The following SEM1 variants were observed in gnomAD, a reference collection of about 807,000 sequenced individuals.
The protein encoded by SEM1 is SEM1 26S proteasome subunit.
A neutral mutation model predicts 12.7 loss-of-function variants in SEM1; 3 were observed. The ratio of observed to expected loss-of-function variants is 0.24; its 90% CI spans 0.11 to 0.61. The LOEUF (loss-of-function observed/expected upper bound fraction) is 0.61. Among genes scored for constraint, SEM1 ranks in the 20% least tolerant of loss-of-function variants. The pLI is 0.88. For synonymous variants in SEM1, 30 were observed against 27.8 expected, an observed-to-expected ratio of 1.08 and a Z score of -0.25; for missense variants, 59 against 81.3, an observed-to-expected ratio of 0.73 and a Z score of 1.06.
intron 1 of SEM1, among the ~76,000 whole-genome samples, chr7:96,700,842 A>AT (rs1790248118): frequency 6.6e-6 from 1 of 152,110 alleles, no homozygotes; most frequent in Non-Finnish European, 1.5e-5. Flanking sequence ...CAGCATCTTG[A>AT]TTTGGGGGTT....
rs551111681 is a variant in SEM1, at chr7:96,542,409, T to C, written c.171-35711A>G. Among the ~76,000 whole-genome samples, 8 of 152,022 alleles carry C rather than the reference T, an allele frequency of 5.3e-5. No individual in the cohort carries two copies. The East Asian group carries it at 1.4e-3, about 26-fold the overall frequency. ...ATTTGAGTCTTGGCTTGAATATTACTGGTGTATAGAAATGCTGCTGGCTTT... is the reference window on the plus strand; with the variant it reads ...ATTTGAGTCTTGGCTTGAATATTACCGGTGTATAGAAATGCTGCTGGCTTT... On this transcript the variant is annotated intron_variant and NMD_transcript_variant, in intron 2 of 3. Coordinates refer to the SEM1 transcript ENST00000466986.
chr7:96,591,988 T>C (rs534299874), intron 2 of SEM1, among the ~76,000 whole-genome samples: 1 of 152,216 alleles, frequency 6.6e-6, no homozygotes, highest in African/African-American at 2.4e-5. Flanking sequence ...GTGAGTATTG[T>C]AAATCAAAAC....
chr7:96,580,304 A>AT (rs1338630891), intron 2 of SEM1, among the ~76,000 whole-genome samples: 1 of 146,944 alleles, frequency 6.8e-6, no homozygotes, highest in Non-Finnish European at 1.5e-5. Flanking sequence ...TGAACTCATC[A>AT]TTTTTTATGG....
At chr7:96,553,012 C>T (rs1248274636) in intron 2 of SEM1, among the ~76,000 whole-genome samples, 3 of 151,882 alleles carry the variant, frequency 2.0e-5, no homozygotes, top group African/African-American at 7.3e-5. Flanking sequence ...AGTGTCTGTT[C>T]ATGTCCTTCA....
At chr7:96,654,705 AT>A (rs916549653) in intron 2 of SEM1, among the ~76,000 whole-genome samples, 1 of 152,124 alleles carries the variant, frequency 6.6e-6, no homozygotes, top group Non-Finnish European at 1.5e-5. Flanking sequence ...TATTAAATGC[AT>A]TTTTTATTTG....
At chr7:96,625,507 C>T (rs1041169077) in intron 2 of SEM1, among the ~76,000 whole-genome samples, 1 of 152,200 alleles carries the variant, frequency 6.6e-6, no homozygotes, top group African/African-American at 2.4e-5. Context: ...TTTGGAATTA[C>T]TCCCTAGTGT....
intron 2 of SEM1, chr7:96,486,065 A>G: frequency 3.1e-6 from 2 of 649,246 alleles, no homozygotes; most frequent in Non-Finnish European, 2.6e-6. Context: ...AGAAAGGAAA[A>G]TATCACGTGT....
intron 2 of SEM1, among the ~76,000 whole-genome samples, chr7:96,663,304 G>A (rs1178895962): frequency 1.3e-5 from 2 of 152,194 alleles, no homozygotes; most frequent in Admixed American, 1.3e-4. Flanking sequence ...AGAGAAAGAG[G>A]AGGTAAGAGA....
chr7:96,567,536 G>GCCC (rs2115954729), intron 2 of SEM1, among the ~76,000 whole-genome samples: 1 of 151,068 alleles, frequency 6.6e-6, no homozygotes, highest in South Asian at 2.1e-4. Context: ...AACCTCTAAA[G>GCCC]CAATGAGAAG....
chr7:96,624,782 G>A (rs900782429), intron 2 of SEM1, among the ~76,000 whole-genome samples: 6 of 152,134 alleles, frequency 3.9e-5, no homozygotes, highest in African/African-American at 1.4e-4. Flanking sequence ...GATATAAGGT[G>A]TAAGGTATTT....
At chr7:96,560,104 GCTT>G (rs879271229) in intron 2 of SEM1, among the ~76,000 whole-genome samples, 228 of 152,288 alleles carry the variant, frequency 1.5e-3, no homozygotes, top group Non-Finnish European at 2.6e-3. Flanking sequence ...CACGTAGGTT[GCTT>G]CAGATTCCTA....
At chr7:96,637,998 A>G (rs1808480360) in intron 2 of SEM1, among the ~76,000 whole-genome samples, 1 of 152,016 alleles carries the variant, frequency 6.6e-6, no homozygotes, top group Admixed American at 6.6e-5. Flanking sequence ...TCACAGAGCT[A>G]ATGGCTACCA....
In SEM1 at chr7:96,592,873, C is replaced by T. The variant is rs536023746; in HGVS notation, c.171-86175G>A. On this transcript the variant is annotated intron_variant and NMD_transcript_variant, in intron 2 of 3. Coordinates refer to the SEM1 transcript ENST00000466986. ...ACAACTCAGGGGGCATGTTTGTTAGCTGGTAAAGAAGGAACGGAGAAAGTT... is the reference window on the plus strand; with the variant it reads ...ACAACTCAGGGGGCATGTTTGTTAGTTGGTAAAGAAGGAACGGAGAAAGTT... Among the ~76,000 whole-genome samples, 32 of 151,924 alleles carry T rather than the reference C, an allele frequency of 2.1e-4. No individual in the cohort carries two copies. The South Asian group carries it at 2.5e-3, about 12-fold the overall frequency.
intron 2 of SEM1, among the ~76,000 whole-genome samples, chr7:96,517,502 C>A (rs1466086916): frequency 1.3e-5 from 2 of 152,162 alleles, no homozygotes; most frequent in South Asian, 4.2e-4. Context: ...TAATGAAATT[C>A]TTTATCTTTC....
rs1806132056 is a variant in SEM1 at position 96,574,245 on chromosome 7, T to A, written c.171-67547A>T. Among the ~76,000 whole-genome samples the A allele has an allele frequency of 1.3e-5, 2 of 152,166 alleles. 1 individual carries two copies. Among genetic ancestry groups the A allele is most frequent in the Admixed American group, 1.3e-4 (2 of 15,282 alleles). On this transcript the variant is annotated intron_variant and NMD_transcript_variant, in intron 2 of 3. Transcript: ENST00000466986. ...ATGATGGTTTCCAGCTTCATCCATA[T>A]CCCTACAAAGGACATGAACTCATCA...
chr7:96,620,690 C>A (rs188492259), downstream of SEM1, among the ~76,000 whole-genome samples: 6 of 152,324 alleles, frequency 3.9e-5, no homozygotes, highest in East Asian at 1.2e-3. Flanking sequence ...CTGGTGAATT[C>A]TCTCCTCGAT....
At chr7:96,677,215 G>A (rs1789473519) in intron 2 of SEM1, among the ~76,000 whole-genome samples, 1 of 152,124 alleles carries the variant, frequency 6.6e-6, no homozygotes, top group African/African-American at 2.4e-5. Flanking sequence ...CAGCTTCTCA[G>A]GAGTCGTCTC....
At chr7:96,535,396 C>A (rs1307501961) in intron 2 of SEM1, among the ~76,000 whole-genome samples, 1 of 151,776 alleles carries the variant, frequency 6.6e-6, no homozygotes, top group Non-Finnish European at 1.5e-5. Flanking sequence ...ATAAAATGTC[C>A]TGTAAGCACT....
rs575631754 is a variant in SEM1 at position 96,536,289 on chromosome 7, C to T, written c.171-29591G>A. ...GTTTTATTCTATTGTGATTTGAGAA[C>T]ATACTTTTTATGATTTCTATACTTT... On this transcript the variant is annotated intron_variant and NMD_transcript_variant, in intron 2 of 3. Coordinates refer to the SEM1 transcript ENST00000466986. 3.3e-5 allele frequency among the ~76,000 whole-genome samples: 5 copies of T among 151,876 alleles called. No individual in the cohort carries two copies. In the East Asian group the frequency reaches 7.8e-4, roughly 24 times the overall value.
Sources: allele counts gnomAD v4.1 joint callset (sites outside exome capture counted in the v4.1 genomes callset), GRCh38; gene constraint gnomAD v4.1.1; transcripts MANE v1.5; gene names NCBI Gene and HGNC (gene_info 2026-07-23, HGNC 2026-07-21).